The following KIRREL1 variants were observed in gnomAD, a reference collection of about 807,000 sequenced individuals.
The protein encoded by KIRREL1 is kirre like nephrin family adhesion molecule 1.
Under a neutral mutation model 83.3 loss-of-function variants are expected in KIRREL1, and 25 were observed. That is an observed-to-expected ratio of 0.30 (90% CI 0.22 to 0.42). The LOEUF is 0.42. Ranked by LOEUF, KIRREL1 falls within the 10% of genes least tolerant of loss-of-function variation. The pLI, the probability that KIRREL1 is intolerant of heterozygous loss-of-function variation, is 1.00. For missense variants in KIRREL1, 812 were observed against 1,032.3 expected, an observed-to-expected ratio of 0.79 and a Z score of 2.92; for synonymous variants, 388 against 410.4, an observed-to-expected ratio of 0.95 and a Z score of 0.66.
At position 158,070,255 on chromosome 1, in the gene KIRREL1, G is replaced by C. The variant is rs12131028; in HGVS notation, c.53-5858G>C. On this transcript the variant is annotated intron_variant, in intron 1 of 14. Transcript: ENST00000359209. ...GAGGTCATGAATCTCGTCCATTCTG[G>C]AGAGACACCCGGGATATCCCTGTAG... is the stretch of plus-strand genomic sequence containing the variant. Among the ~76,000 whole-genome samples the C allele has an allele frequency of 1.4e-3, 206 of 152,304 alleles. 1 individual carries two copies. The highest frequency in any genetic ancestry group is 2.6e-3 in the Non-Finnish European group (179 of 68,016).
At chr1:158,065,402 C>G (rs1178712765) in intron 1 of KIRREL1, among the ~76,000 whole-genome samples, 1 of 152,020 alleles carries the variant, frequency 6.6e-6, no homozygotes, top group Admixed American at 6.6e-5. Context: ...AATTATGGAG[C>G]CTGTAGGGAG....
chr1:158,001,292 T>C (rs1659354185), intron 1 of KIRREL1, among the ~76,000 whole-genome samples: 1 of 152,232 alleles, frequency 6.6e-6, no homozygotes, highest in Non-Finnish European at 1.5e-5. Context: ...TCTCTGCCCT[T>C]GAAGGTCTCA....
At chr1:158,073,884 G>A (rs77902204) in intron 1 of KIRREL1, among the ~76,000 whole-genome samples, 2 of 152,122 alleles carry the variant, frequency 1.3e-5, no homozygotes, top group East Asian at 3.9e-4. Flanking sequence ...GAGAGACCAG[G>A]GTGTCCAGGC....
At position 158,088,019 on chromosome 1, in the gene KIRREL1, G is replaced by T. The variant is rs776182497; in HGVS notation, c.781G>T (p.Gly261Cys). ...EILGYRWAKGGFLIEDAHESR... is the reference protein window; with the variant it reads ...EILGYRWAKGCFLIEDAHESR... ...CTCCTCCCCTAGGTGGGCCAAAGGG[G>T]GTTTCTTGATTGAAGACGCCCACGA... Residue 261 changes from glycine (G) to cysteine (C), a missense_variant, in exon 7 of 15, where the codon GGT becomes TGT. By Grantham distance (159) the Gly-to-Cys change is radical (BLOSUM62 -3). Coordinates refer to ENST00000359209, the MANE Select transcript of KIRREL1 (RefSeq NM_018240.7). 1.9e-6 allele frequency: 3 copies of T among 1,614,146 alleles called. No homozygotes were observed. Among genetic ancestry groups the T allele is most frequent in the Non-Finnish European group, 2.5e-6 (3 of 1,180,014 alleles).
chr1:158,043,524 A>G (rs1237694510), intron 1 of KIRREL1, among the ~76,000 whole-genome samples: 3 of 152,158 alleles, frequency 2.0e-5, no homozygotes, highest in Non-Finnish European at 4.4e-5. Context: ...GTCTGGGAAC[A>G]CTGATAGTTC....
At chr1:158,066,009 C>A (rs1003253913) in intron 1 of KIRREL1, among the ~76,000 whole-genome samples, 1 of 151,890 alleles carries the variant, frequency 6.6e-6, no homozygotes, top group Non-Finnish European at 1.5e-5. Context: ...CCTCTCTCAT[C>A]ACCTTTTTTT....
At chr1:158,003,667 C>T (rs1038511561) in intron 1 of KIRREL1, among the ~76,000 whole-genome samples, 5 of 152,186 alleles carry the variant, frequency 3.3e-5, no homozygotes, top group African/African-American at 1.2e-4. Context: ...TGTTGGATCC[C>T]AGACTGACGT....
intron 1 of KIRREL1, among the ~76,000 whole-genome samples, chr1:158,005,416 C>T (rs990168978): frequency 6.6e-6 from 1 of 152,030 alleles, no homozygotes; most frequent in Non-Finnish European, 1.5e-5. Context: ...CTCCCTGCCA[C>T]CTCACTAGCT....
intron 1 of KIRREL1, among the ~76,000 whole-genome samples, chr1:158,012,125 A>T (rs1036695017): frequency 6.6e-6 from 1 of 151,934 alleles, no homozygotes; most frequent in Non-Finnish European, 1.5e-5. Flanking sequence ...GTAGAGCTTG[A>T]GGGTAGATTA....
chr1:158,009,571 CT>C (rs1436175822), intron 1 of KIRREL1, among the ~76,000 whole-genome samples: 1 of 152,214 alleles, frequency 6.6e-6, no homozygotes, highest in Non-Finnish European at 1.5e-5. Context: ...AGGGAGGGTC[CT>C]TTTGTTCTAC....
intron 1 of KIRREL1, among the ~76,000 whole-genome samples, chr1:158,069,577 T>C (rs1269329505): frequency 1.3e-5 from 2 of 151,880 alleles, no homozygotes; most frequent in East Asian, 1.9e-4. Context: ...GAGAGAGTGC[T>C]CCAGGTGAGG....
At chr1:158,012,378 G>A (rs1406818286) in intron 1 of KIRREL1, among the ~76,000 whole-genome samples, 1 of 152,196 alleles carries the variant, frequency 6.6e-6, no homozygotes, top group African/African-American at 2.4e-5. Context: ...GTGTGACCTT[G>A]TGCAAGTCAC....
At chr1:158,046,967 T>C (rs1249205302) in intron 1 of KIRREL1, among the ~76,000 whole-genome samples, 1 of 152,140 alleles carries the variant, frequency 6.6e-6, no homozygotes, top group Non-Finnish European at 1.5e-5. Context: ...AGCCCCTTTG[T>C]ATGCAGATGC....
intron 1 of KIRREL1, among the ~76,000 whole-genome samples, chr1:158,042,800 A>G (rs1660665462): frequency 6.6e-6 from 1 of 151,740 alleles, no homozygotes; most frequent in South Asian, 2.1e-4. Flanking sequence ...CCGGCTGGGC[A>G]CGGTGGCTCA....
chr1:158,018,264 G>C (rs1463692050), intron 1 of KIRREL1, among the ~76,000 whole-genome samples: 2 of 152,146 alleles, frequency 1.3e-5, no homozygotes, highest in East Asian at 3.9e-4. Context: ...GAAGCCTCAG[G>C]CTCTGGTGTG....
intron 1 of KIRREL1, among the ~76,000 whole-genome samples, chr1:158,046,436 G>A (rs796961786): frequency 2.6e-5 from 4 of 152,270 alleles, no homozygotes; most frequent in African/African-American, 9.6e-5. Flanking sequence ...GCCAAGTGGG[G>A]GTGTCCAGTA....
At chr1:158,037,740 C>T (rs924164834) in intron 1 of KIRREL1, among the ~76,000 whole-genome samples, 1 of 152,200 alleles carries the variant, frequency 6.6e-6, no homozygotes, top group Non-Finnish European at 1.5e-5. Context: ...TGCTCGTACA[C>T]ACTGCACCCA....
At position 158,091,446 on chromosome 1, in the gene KIRREL1, C is replaced by T; in HGVS notation, c.1361C>T (p.Ser454Phe). The T allele has an allele frequency of 6.2e-7, 1 of 1,614,048 alleles. No individual in the cohort carries two copies. ...ACCAACTCAGGCAGTGGGGTGCTATCCACGCTCACCATCAACAATGTCATG... is the reference window on the plus strand; with the variant it reads ...ACCAACTCAGGCAGTGGGGTGCTATTCACGCTCACCATCAACAATGTCATG... ...ERTNSGSGVL[S>F]TLTINNVMEA... The change falls in exon 11 of 15, where the codon TCC becomes TTC. Residue 454 changes from serine (S) to phenylalanine (F), a missense_variant. By Grantham distance (155) the Ser-to-Phe change is radical. This residue lies in a region of KIRREL1 where 472 missense variants were observed against 626.8 expected (regional missense o/e 0.75). Transcript: ENST00000359209.
At position 158,034,709 on chromosome 1, in the gene KIRREL1, G is replaced by A. The variant is rs143835113; in HGVS notation, c.52+40981G>A. ...TGTAAGCTGTTCATAAAACATAAGG[G>A]ATTGTTATTTCTTGCTAATTCCATC... On this transcript the variant is annotated intron_variant, in intron 1 of 14. Transcript: ENST00000359209. 3.9e-3 allele frequency among the ~76,000 whole-genome samples: 599 copies of A among 152,306 alleles called. 2 individuals carry two copies. Among genetic ancestry groups the A allele is most frequent in the Non-Finnish European group, 7.5e-3 (511 of 68,024 alleles).
Sources: gnomAD v4.1 joint callset for allele counts (sites outside exome capture counted in the v4.1 genomes callset) on GRCh38, gnomAD v4.1.1 for gene constraint, gnomAD v4.1.1 regional missense constraint, MANE v1.5 for transcripts, NCBI Gene and HGNC (gene_info 2026-07-23, HGNC 2026-07-21) for gene names.